The following MGAT4C variants were observed in gnomAD, a reference collection of about 807,000 sequenced individuals.
The protein encoded by MGAT4C is alpha-1,3-mannosyl-glycoprotein 4-beta-N-acetylglucosaminyltransferase C.
In MGAT4C, 19 loss-of-function variants were observed where a neutral mutation model predicts 40.1. The ratio of observed to expected loss-of-function variants is 0.47; its 90% CI spans 0.33 to 0.70. MGAT4C has a LOEUF of 0.70. MGAT4C is among the 30% of genes least tolerant of loss of function. The pLI is 0.02. For synonymous variants in MGAT4C, 181 were observed against 187.1 expected (o/e 0.97, Z 0.27); for missense variants, 491 against 563.2 (o/e 0.87, Z 1.30).
intron 2 of MGAT4C, among the ~76,000 whole-genome samples, chr12:86,659,093 A>G: frequency 6.6e-6 from 1 of 152,092 alleles, no homozygotes; most frequent in Admixed American, 6.6e-5. Context: ...AGTATAACCT[A>G]GCTTATTTTC....
In MGAT4C at chr12:86,600,963, G is replaced by A. The variant is rs553901023; in HGVS notation, c.-229+126246C>T. On this transcript the variant is annotated intron_variant, in intron 2 of 7. Coordinates refer to the MGAT4C transcript ENST00000548651. ...GTTGCGACTATGTCCTGATAGCCGAGCCCAGGCGCTGTAGCGACCCAGCCA... is the reference window on the plus strand; with the variant it reads ...GTTGCGACTATGTCCTGATAGCCGAACCCAGGCGCTGTAGCGACCCAGCCA... 2.0e-5 allele frequency among the ~76,000 whole-genome samples: 3 copies of A among 152,364 alleles called. No individual in the cohort carries two copies. The East Asian group carries it at 5.8e-4, about 29-fold the overall frequency.
chr12:86,592,983 T>C (rs562222934), intron 2 of MGAT4C, among the ~76,000 whole-genome samples: 182 of 152,266 alleles, frequency 1.2e-3, no homozygotes, highest in Middle Eastern at 6.8e-3. Flanking sequence ...TTTGGTTATA[T>C]AATATCATAC....
intron 4 of MGAT4C, among the ~76,000 whole-genome samples, chr12:86,279,657 C>CT (rs34788484): frequency 0.66 from 97,545 of 146,720 alleles, 32,697 homozygotes; most frequent in South Asian, 0.77. Flanking sequence ...CTGCTCTGAT[C>CT]TTTTTTTTTT....
At chr12:86,096,191 C>T (rs1473413634) in intron 1 of MGAT4C, among the ~76,000 whole-genome samples, 2 of 151,644 alleles carry the variant, frequency 1.3e-5, no homozygotes, top group East Asian at 3.9e-4. Context: ...TGCCTTAATG[C>T]CTTTTTAAAA....
At chr12:86,481,718 T>C (rs954815288) in intron 2 of MGAT4C, among the ~76,000 whole-genome samples, 1 of 151,590 alleles carries the variant, frequency 6.6e-6, no homozygotes, top group Admixed American at 6.6e-5. Flanking sequence ...TTGAAAAATA[T>C]TTAAAGTTTC....
At chr12:86,353,931 A>C (rs550611485) in intron 3 of MGAT4C, among the ~76,000 whole-genome samples, 1 of 152,130 alleles carries the variant, frequency 6.6e-6, no homozygotes, top group South Asian at 2.1e-4. Flanking sequence ...CGGTATTTAG[A>C]GAGTACAAGG....
At chr12:86,649,359 T>C (rs567075671) in intron 2 of MGAT4C, among the ~76,000 whole-genome samples, 28 of 151,924 alleles carry the variant, frequency 1.8e-4, no homozygotes, top group Admixed American at 4.6e-4. Context: ...GAGCTTTTTA[T>C]TTCTAGTTAT....
chr12:86,347,441 TA>T (rs1035302166), intron 3 of MGAT4C, among the ~76,000 whole-genome samples: 10 of 152,136 alleles, frequency 6.6e-5, no homozygotes, highest in African/African-American at 2.2e-4. Flanking sequence ...ATATTAAGTA[TA>T]AAAAAATACT....
chr12:86,732,221 A>G (rs1317939236), intron 1 of MGAT4C, among the ~76,000 whole-genome samples: 1 of 152,098 alleles, frequency 6.6e-6, no homozygotes, highest in Non-Finnish European at 1.5e-5. Context: ...GATACTCTTT[A>G]CTTTCTATTT....
intron 2 of MGAT4C, among the ~76,000 whole-genome samples, chr12:86,571,398 T>C (rs1469227577): frequency 6.6e-6 from 1 of 152,046 alleles, no homozygotes; most frequent in Non-Finnish European, 1.5e-5. Flanking sequence ...GAAAGAGGTA[T>C]ACATAAGTGT....
At chr12:86,257,027 G>T (rs1389805192), upstream of MGAT4C, among the ~76,000 whole-genome samples, 3 of 152,132 alleles carry the variant, frequency 2.0e-5, no homozygotes, top group African/African-American at 7.2e-5. Flanking sequence ...ACATGAAAGA[G>T]ATATTAAAAG....
At chr12:86,783,879 C>A (rs892998190) in intron 1 of MGAT4C, among the ~76,000 whole-genome samples, 1 of 152,084 alleles carries the variant, frequency 6.6e-6, no homozygotes, top group Non-Finnish European at 1.5e-5. Flanking sequence ...GCATCAAGGA[C>A]TGCTTACTAT....
chr12:86,429,692 T>C (rs1234953612), intron 3 of MGAT4C, among the ~76,000 whole-genome samples: 1 of 152,196 alleles, frequency 6.6e-6, no homozygotes, highest in African/African-American at 2.4e-5. Flanking sequence ...TCTTATCACT[T>C]GTCCTCAGAA....
rs1302212587 is a variant in MGAT4C at position 86,378,421 on chromosome 12, C to T, written c.-119-44294G>A. Among the ~76,000 whole-genome samples, 8 of 152,070 alleles carry T rather than the reference C, an allele frequency of 5.3e-5. No individual in the cohort carries two copies. In the East Asian group the frequency reaches 1.5e-3, roughly 29 times the overall value. ...TAGCTAATTCATAAGAATCTCTAGA[C>T]ATTTGACTTGTATAATAAGGTGGAA... On this transcript the variant is annotated intron_variant, in intron 3 of 7. Transcript: ENST00000548651.
chr12:86,063,404 C>T (rs937121183), intron 1 of MGAT4C, among the ~76,000 whole-genome samples: 3 of 152,138 alleles, frequency 2.0e-5, no homozygotes, highest in Non-Finnish European at 4.4e-5. Context: ...CAAGCAGTAC[C>T]AGCCACTGCA....
At chr12:86,002,250 A>C (rs1887400373) in intron 2 of MGAT4C, 1 of 152,172 alleles carries the variant, frequency 6.6e-6, no homozygotes, top group Non-Finnish European at 1.5e-5. Context: ...TGATTGAAAA[A>C]TAGATTGGAT....
intron 1 of MGAT4C, among the ~76,000 whole-genome samples, chr12:86,102,195 A>G (rs73379419): frequency 0.012 from 1,766 of 152,086 alleles, 23 homozygotes; most frequent in African/African-American, 0.04. Flanking sequence ...GATATCAACA[A>G]ATACCTGCAT....
At chr12:86,388,206 C>T (rs1293514738) in intron 3 of MGAT4C, among the ~76,000 whole-genome samples, 2 of 151,950 alleles carry the variant, frequency 1.3e-5, no homozygotes, top group African/African-American at 4.8e-5. Flanking sequence ...AAATTAGAAG[C>T]TTTTCGCAGT....
At chr12:86,515,900 G>T (rs1291878748) in intron 2 of MGAT4C, among the ~76,000 whole-genome samples, 3 of 151,660 alleles carry the variant, frequency 2.0e-5, no homozygotes, top group Non-Finnish European at 4.4e-5. Context: ...CCACCACCAC[G>T]CCCAGCTAAT....
Sources: allele counts gnomAD v4.1 joint callset (sites outside exome capture counted in the v4.1 genomes callset), GRCh38; gene constraint gnomAD v4.1.1; transcripts MANE v1.5; gene names NCBI Gene and HGNC (gene_info 2026-07-23, HGNC 2026-07-21).